Variants in MAP3K13 observed in about 807,000 individuals in gnomAD.
MAP3K13 encodes leucine zipper-bearing kinase.
A neutral mutation model predicts 104.0 loss-of-function variants in MAP3K13; 52 were observed. The observed-to-expected ratio is 0.50, with a 90% CI of 0.40 to 0.63. MAP3K13 has a LOEUF of 0.63. Ranked by LOEUF, MAP3K13 falls within the 20% of genes least tolerant of loss-of-function variation. MAP3K13 has a pLI of 0.00. For missense variants in MAP3K13, 914 were observed against 1,218.5 expected, an observed-to-expected ratio of 0.75 and a Z score of 3.72; for synonymous variants, 394 against 442.2, an observed-to-expected ratio of 0.89 and a Z score of 1.37.
intron 1 of MAP3K13, among the ~76,000 whole-genome samples, chr3:185,407,789 T>C (rs1713197597): frequency 6.6e-6 from 1 of 152,012 alleles, no homozygotes; most frequent in Non-Finnish European, 1.5e-5. Context: ...TTTCTGTAAA[T>C]GGATTTCATA....
intron 2 of MAP3K13, among the ~76,000 whole-genome samples, chr3:185,333,210 T>A (rs890895148): frequency 3.9e-5 from 6 of 152,200 alleles, no homozygotes; most frequent in Admixed American, 2.0e-4. Flanking sequence ...AGGTATGGAA[T>A]AAGACTACCT....
At chr3:185,361,807 A>T (rs1384774066), upstream of MAP3K13, among the ~76,000 whole-genome samples, 1 of 152,200 alleles carries the variant, frequency 6.6e-6, no homozygotes, top group African/African-American at 2.4e-5. Context: ...TCTTTGGTCT[A>T]TCTTTTTTGT....
At chr3:185,458,977 T>C (rs1258096106) in intron 7 of MAP3K13, among the ~76,000 whole-genome samples, 2 of 152,224 alleles carry the variant, frequency 1.3e-5, no homozygotes, top group Admixed American at 1.3e-4. Flanking sequence ...TCAATTACAT[T>C]TGACATGAGT....
At chr3:185,380,629 C>T (rs892381914) in intron 1 of MAP3K13, among the ~76,000 whole-genome samples, 16 of 151,992 alleles carry the variant, frequency 1.1e-4, no homozygotes, top group South Asian at 2.1e-4. Flanking sequence ...AATGCTGATG[C>T]GTGCTAAATT....
chr3:185,448,334 A>G (rs565393292), intron 5 of MAP3K13, among the ~76,000 whole-genome samples: 1 of 152,322 alleles, frequency 6.6e-6, no homozygotes, highest in South Asian at 2.1e-4. Context: ...ATCATTACAC[A>G]TATCAATAAT....
At chr3:185,405,628 C>T (rs6803944) in intron 1 of MAP3K13, among the ~76,000 whole-genome samples, 37,041 of 152,188 alleles carry the variant, frequency 0.24, 5,301 homozygotes, top group African/African-American at 0.4. Flanking sequence ...ACTCGTTCTT[C>T]ACTGGTGTAA....
At chr3:185,359,187 C>T (rs144463116), upstream of MAP3K13, among the ~76,000 whole-genome samples, 6 of 152,248 alleles carry the variant, frequency 3.9e-5, no homozygotes, top group South Asian at 6.2e-4. Flanking sequence ...ATATCTTACA[C>T]GGACGGCAGC....
intron 10 of MAP3K13, among the ~76,000 whole-genome samples, chr3:185,470,571 C>G (rs1717716647): frequency 6.6e-6 from 1 of 152,160 alleles, no homozygotes; most frequent in Non-Finnish European, 1.5e-5. Context: ...CTGACCCCTC[C>G]CTTCCTTTTC....
At chr3:185,316,223 C>A (rs897750884) in intron 2 of MAP3K13, among the ~76,000 whole-genome samples, 6 of 152,116 alleles carry the variant, frequency 3.9e-5, no homozygotes, top group Non-Finnish European at 8.8e-5. Flanking sequence ...TATTAATATC[C>A]TTTCAGACAT....
intron 2 of MAP3K13, among the ~76,000 whole-genome samples, chr3:185,432,512 T>A (rs894641894): frequency 2.0e-5 from 3 of 150,100 alleles, no homozygotes; most frequent in Non-Finnish European, 3.0e-5. Context: ...TTTTTAAAAG[T>A]TCCCTGTTCT....
intron 10 of MAP3K13, 122 bp downstream of exon 10, chr3:185,467,085 C>T: frequency 2.8e-6 from 3 of 1,076,866 alleles, no homozygotes; most frequent in Non-Finnish European, 4.1e-6. Flanking sequence ...TAGAGATACT[C>T]AGTACTCTAG....
intron 2 of MAP3K13, 114 bp from the exon 3 acceptor site, chr3:185,437,333 A>T (rs1374106377): frequency 1.2e-6 from 1 of 812,846 alleles, no homozygotes; most frequent in African/African-American, 1.7e-5. Context: ...TTTTGCCGGG[A>T]GACAGAGGGT....
intron 1 of MAP3K13, among the ~76,000 whole-genome samples, chr3:185,404,635 A>G (rs6444067): frequency 0.87 from 132,003 of 152,164 alleles, 57,594 homozygotes; most frequent in African/African-American, 0.96. Context: ...GGAGTGTAGT[A>G]GCTTAATATT....
chr3:185,385,499 A>T (rs1454104609), intron 1 of MAP3K13, among the ~76,000 whole-genome samples: 1 of 151,932 alleles, frequency 6.6e-6, no homozygotes, highest in Non-Finnish European at 1.5e-5. Context: ...ATAAAGAAGA[A>T]CTAACACGAA....
At chr3:185,455,405 T>TATATG (rs1560119435) in intron 7 of MAP3K13, among the ~76,000 whole-genome samples, 7 of 85,138 alleles carry the variant, frequency 8.2e-5, no homozygotes, top group African/African-American at 3.0e-4. Context: ...ATATGAGATA[T>TATATG]ATATATGAGA....
intron 2 of MAP3K13, among the ~76,000 whole-genome samples, chr3:185,349,174 T>G (rs1017041160): frequency 2.0e-5 from 3 of 152,078 alleles, no homozygotes; most frequent in African/African-American, 7.2e-5. Flanking sequence ...GCAGGTTTGT[T>G]ACATTGGTAT....
intron 2 of MAP3K13, among the ~76,000 whole-genome samples, chr3:185,318,894 T>C (rs1478590873): frequency 6.6e-6 from 1 of 152,216 alleles, no homozygotes; most frequent in African/African-American, 2.4e-5. Flanking sequence ...GAAAGCAATA[T>C]TACCATTACT....
intron 1 of MAP3K13, among the ~76,000 whole-genome samples, chr3:185,283,487 G>A (rs1419877847): frequency 6.6e-6 from 1 of 152,070 alleles, no homozygotes; most frequent in Non-Finnish European, 1.5e-5. Context: ...ATGAATGAAT[G>A]AATGAATGAA....
At chr3:185,361,896 T>C (rs531685316), upstream of MAP3K13, among the ~76,000 whole-genome samples, 32 of 152,368 alleles carry the variant, frequency 2.1e-4, no homozygotes, top group Middle Eastern at 3.4e-3. Flanking sequence ...TGCTTCAATA[T>C]AGACAGTACA....
Sources: allele counts gnomAD v4.1 joint callset (sites outside exome capture counted in the v4.1 genomes callset), GRCh38; gene constraint gnomAD v4.1.1; transcripts MANE v1.5; gene names NCBI Gene and HGNC (gene_info 2026-07-23, HGNC 2026-07-21).